The following PIEZO1 variants were observed in gnomAD, a reference collection of about 807,000 sequenced individuals.
The protein encoded by PIEZO1 is piezo-type mechanosensitive ion channel component 1.
In PIEZO1, 296 loss-of-function variants were observed where a neutral mutation model predicts 297.2. The observed-to-expected ratio is 1.00, with a 90% CI of 0.91 to 1.10. The LOEUF (loss-of-function observed/expected upper bound fraction) is 1.10. Among genes scored for constraint, PIEZO1 ranks in the 50% least tolerant of loss-of-function variants. PIEZO1 has a pLI of 0.00. For synonymous variants in PIEZO1, 2,427 were observed against 1,507.5 expected (o/e 1.61, Z -14.13); for missense variants, 5,018 against 3,455.5 (o/e 1.45, Z -11.34).
intron 22 of PIEZO1, among the ~76,000 whole-genome samples, chr16:88,730,622 G>A (rs995005216): frequency 6.8e-6 from 1 of 146,672 alleles, no homozygotes; most frequent in Non-Finnish European, 1.5e-5. Flanking sequence ...AAAAAAAAAG[G>A]GTTCTTGCTA....
At chr16:88,765,668 ATTTT>A (rs397966717) in intron 1 of PIEZO1, among the ~76,000 whole-genome samples, 132 of 131,732 alleles carry the variant, frequency 1.0e-3, no homozygotes, top group African/African-American at 3.5e-3. Flanking sequence ...GTTATCTCTA[ATTTT>A]TTTTTTTTTT....
rs541250354 is a variant in PIEZO1, at chr16:88,758,813, T to C, written c.65-9334A>G. 2.6e-5 allele frequency among the ~76,000 whole-genome samples: 4 copies of C among 152,356 alleles called. No homozygotes were observed. The East Asian group carries it at 7.7e-4, about 29-fold the overall frequency. The stretch of plus-strand genomic sequence containing the variant: ...CCATAACTCCCTCCTCACAGGATTG[T>C]CGCAGAGACAACAGTGCCTGACACA... On this transcript the variant is annotated intron_variant, in intron 1 of 50. Transcript: ENST00000301015.
In PIEZO1 at chr16:88,725,958, C is replaced by T. The variant is rs572686620; in HGVS notation, c.3969-274G>A. The T allele has an allele frequency of 5.7e-4, 325 of 567,956 alleles. 1 individual carries two copies. The highest frequency in any genetic ancestry group is 5.6e-3 in the Middle Eastern group (12 of 2,150). 35.2% of individuals were successfully genotyped at this position (567,956 alleles called of 1,614,324 possible). A position where few individuals can be genotyped will look rare whatever the true frequency, so the allele number is the denominator to read the frequency against. ...AGGCAAAGCTGGCCCCAAGCCAGAA[C>T]CCCTCCCTGGGGCAGTCGTGACACC... is the stretch of plus-strand genomic sequence containing the variant. On this transcript the variant is annotated intron_variant, in intron 27 of 50. Transcript: ENST00000301015.
Position 88,726,301 on chromosome 16 carries a change from G to A in PIEZO1, c.3951C>T (p.Thr1317=), listed in dbSNP as rs962141447. 2.8e-5 allele frequency: 44 copies of A among 1,549,226 alleles called. No individual in the cohort carries two copies. Among genetic ancestry groups the A allele is most frequent in the Admixed American group, 5.9e-5 (3 of 50,932 alleles). ...AAGCTTGCCTGGAGGCTAGCAGGGC[G>A]GTGGCCTGGAGGTCGGCCCTGACGT... is the stretch of plus-strand genomic sequence containing the variant. ...YLHVRADLQA[T]ALLASRGFAL... The change falls in exon 27 of 51, where the codon ACC becomes ACT. Residue 1317 remains threonine, a synonymous_variant. Coordinates refer to ENST00000301015, the MANE Select transcript of PIEZO1 (RefSeq NM_001142864.4).
intron 1 of PIEZO1, among the ~76,000 whole-genome samples, chr16:88,757,196 C>T (rs1285398426): frequency 6.6e-6 from 1 of 152,044 alleles, no homozygotes; most frequent in African/African-American, 2.4e-5. Context: ...CACCTGGAGG[C>T]TGAGCCCTCG....
chr16:88,716,149 C>T (rs549106702), intron 49 of PIEZO1, 30 bp from the exon 50 acceptor site: 39 of 1,527,816 alleles, frequency 2.6e-5, no homozygotes, highest in South Asian at 1.4e-4. Flanking sequence ...TCGTTGAGGC[C>T]GCAGGTCACC....
In PIEZO1 at chr16:88,716,700, G is replaced by C; in HGVS notation, c.6785C>G (p.Pro2262Arg). 6.5e-7 allele frequency: 1 copy of C among 1,548,592 alleles called. No homozygotes were observed. The highest frequency in any genetic ancestry group is 8.7e-7 in the Non-Finnish European group (1 of 1,146,928). The change falls in exon 47 of 51, where the codon CCT becomes CGT. Residue 2262 changes from proline (P) to arginine (R), a missense_variant. Pro to Arg is a moderately radical substitution (Grantham distance 103). Transcript: ENST00000301015. ...LAMQFISQYSPEDIVTAQIEG... is the reference protein window; with the variant it reads ...LAMQFISQYSREDIVTAQIEG... The stretch of plus-strand genomic sequence containing the variant: ...AATCTGCGCCGTGACGATGTCCTCA[G>C]GGCTGTACTGGCTGATGAACTGCAT...
At chr16:88,732,792 C>G in intron 19 of PIEZO1, 60 bp from the exon 20 acceptor site, 1 of 1,447,994 alleles carries the variant, frequency 6.9e-7, no homozygotes, top group South Asian at 1.4e-5. Context: ...TGGCCCTGCC[C>G]GGAGCCCACC....
chr16:88,716,617 G>T lies in PIEZO1; in HGVS notation c.6868C>A (p.Arg2290=). 6.5e-7 allele frequency: 1 copy of T among 1,549,956 alleles called. No individual in the cohort carries two copies. The highest frequency in any genetic ancestry group is 2.4e-5 in the East Asian group (1 of 40,928). ...TCGGCCGTGCCGTTGTAGAGCTCCC[G>T]CTTCATCTGGGCACGGCTGGGGGGA... ...ISPPSRAQMK[R]ELYNGTADIT... Residue 2290 remains arginine (R), a synonymous_variant, in exon 47 of 51, where the codon CGG becomes AGG. Transcript: ENST00000301015.
intron 17 of PIEZO1, 74 bp from the exon 18 acceptor site, chr16:88,733,819 G>T (rs1905035589): frequency 3.2e-5 from 47 of 1,466,144 alleles, no homozygotes; most frequent in Non-Finnish European, 4.0e-5. Flanking sequence ...AGGCTCTGGA[G>T]CCCAGAGGGG....
chr16:88,716,112 C>A lies in PIEZO1; in HGVS notation c.7137G>T (p.Glu2379Asp), dbSNP rs1435483634. The A allele has an allele frequency of 6.5e-7, 1 of 1,544,712 alleles. No homozygotes were observed. The highest frequency in any genetic ancestry group is 8.7e-7 in the Non-Finnish European group (1 of 1,143,252). ...GGATACGCACGCCGAGGTAGTCGGCCTCCTCATCTGGGATGGAGGGAGAAG... is the reference window on the plus strand; with the variant it reads ...GGATACGCACGCCGAGGTAGTCGGCATCCTCATCTGGGATGGAGGGAGAAG... ...NPVKQLQPNE[E>D]ADYLGVRIQL... The change falls in exon 50 of 51, where the codon GAG (glutamate) becomes GAT (aspartate). Residue 2379 changes from glutamate to aspartate, a missense_variant. Transcript: ENST00000301015.
chr16:88,716,489 G>A lies in PIEZO1; in HGVS notation c.6927-6C>T, dbSNP rs1329456751. On this transcript the variant is annotated splice_polypyrimidine_tract_variant and splice_region_variant and intron_variant, in intron 47 of 50. Coordinates refer to ENST00000301015, the MANE Select transcript of PIEZO1 (RefSeq NM_001142864.4). ...TGCCTCCCTTCGCCAGGTCCCTGGG[G>A]GTGGGAACACAGCGTGACCCACTGT... 10 of 1,545,364 alleles carry A rather than the reference G, an allele frequency of 6.5e-6. No homozygotes were observed. The highest frequency in any genetic ancestry group is 7.9e-6 in the Non-Finnish European group (9 of 1,144,092).
Position 88,737,746 on chromosome 16 carries a change from C to G in PIEZO1, c.1089G>C (p.Gln363His), listed in dbSNP as rs1489547154. 1 of 1,535,740 alleles carries G rather than the reference C, an allele frequency of 6.5e-7. No individual in the cohort carries two copies. The highest frequency in any genetic ancestry group is 2.0e-5 in the Admixed American group (1 of 51,008). Residue 363 changes from glutamine (Q) to histidine (H), a missense_variant, in exon 9 of 51, where the codon CAG becomes CAC. By Grantham distance (24) the Gln-to-His change is conservative. Coordinates refer to ENST00000301015, the MANE Select transcript of PIEZO1 (RefSeq NM_001142864.4). Reference protein sequence around the residue: ...LELAELDQWPQERESDQHVVP... With the variant: ...LELAELDQWPHERESDQHVVP... ...TGCTCACCTGGTCAGACTCCCGTTC[C>G]TGGGGCCACTGGTCCAGCTCTGCTA...
chr16:88,720,336 G>T (rs1344343512), intron 41 of PIEZO1, 49 bp downstream of exon 41: 1 of 1,549,976 alleles, frequency 6.5e-7, no homozygotes, highest in Admixed American at 2.0e-5. Context: ...GGATGTGGGT[G>T]GCTGCTGAGC....
At chr16:88,737,433 C>G (rs1299622282) in intron 10 of PIEZO1, 126 bp downstream of exon 10, 1 of 653,288 alleles carries the variant, frequency 1.5e-6, no homozygotes, top group East Asian at 2.9e-5. Context: ...GTCCTGGGCC[C>G]CCGAGGGGGC....
At chr16:88,740,279 C>T (rs2142839235) in intron 5 of PIEZO1, 1 of 152,414 alleles carries the variant, frequency 6.6e-6, no homozygotes, top group African/African-American at 2.4e-5. Flanking sequence ...CCTGGTGCCC[C>T]CAGCTCACTC....
intron 3 of PIEZO1, 72 bp downstream of exon 3, chr16:88,742,228 T>C: frequency 6.7e-7 from 1 of 1,501,168 alleles, no homozygotes; most frequent in Non-Finnish European, 8.9e-7. Flanking sequence ...CCCAGGAGAC[T>C]CGGGGTCACT....
At chr16:88,782,872 G>A (rs1022986170) in intron 1 of PIEZO1, among the ~76,000 whole-genome samples, 1 of 152,074 alleles carries the variant, frequency 6.6e-6, no homozygotes, top group East Asian at 1.9e-4. Context: ...GTTCTTGGCC[G>A]GCTCCACTTC....
chr16:88,772,608 G>A (rs1422367761), intron 1 of PIEZO1, among the ~76,000 whole-genome samples: 1 of 152,058 alleles, frequency 6.6e-6, no homozygotes, highest in Non-Finnish European at 1.5e-5. Context: ...GTAAAACCCC[G>A]TCTCTACTAA....
Sources: allele counts gnomAD v4.1 joint callset (sites outside exome capture counted in the v4.1 genomes callset), GRCh38; gene constraint gnomAD v4.1.1; transcripts MANE v1.5; gene names NCBI Gene and HGNC (gene_info 2026-07-23, HGNC 2026-07-21).